KIF25: variants seen among roughly 807,000 people sequenced by gnomAD.
KIF25 encodes kinesin-like protein KIF25.
In KIF25, 19 loss-of-function variants were observed where a neutral mutation model predicts 32.9. The observed-to-expected ratio is 0.58, with a 90% CI of 0.40 to 0.85. KIF25 has a LOEUF of 0.85. Ranked by LOEUF, KIF25 falls within the 40% of genes least tolerant of loss-of-function variation. The pLI, the probability that KIF25 is intolerant of heterozygous loss-of-function variation, is 0.00. For synonymous variants in KIF25, 225 were observed against 213.7 expected (o/e 1.05, Z -0.46); for missense variants, 485 against 507.0 (o/e 0.96, Z 0.42).
At chr6:168,022,323 G>A (rs1044784742) in intron 5 of KIF25, among the ~76,000 whole-genome samples, 8 of 152,060 alleles carry the variant, frequency 5.3e-5, no homozygotes, top group South Asian at 2.1e-4. Context: ...TCTGTTTTTC[G>A]TGCTTGTAAA....
intron 2 of KIF25, among the ~76,000 whole-genome samples, chr6:168,001,017 C>A (rs1215112739): frequency 1.3e-5 from 2 of 152,218 alleles, no homozygotes; most frequent in African/African-American, 4.8e-5. Flanking sequence ...GAAACTTTTT[C>A]TTTTCAAAGT....
In KIF25 at chr6:168,029,683, C is replaced by T. The variant is rs749751689; in HGVS notation, c.92+6C>T. On this transcript the variant is annotated splice_donor_region_variant and intron_variant, in intron 6 of 12. Transcript: ENST00000643607. ...CCAGATGACAAGGACCTCAGGTCAG[C>T]TTCAGCGTGAGAAGCAGGCCAGGCC... is the stretch of plus-strand genomic sequence containing the variant. 7 of 1,602,470 alleles carry T rather than the reference C, an allele frequency of 4.4e-6. No individual in the cohort carries two copies. The South Asian group carries it at 6.7e-5, about 15-fold the overall frequency.
chr6:168,016,829 G>A (rs1798721184), intron 4 of KIF25, among the ~76,000 whole-genome samples: 1 of 152,236 alleles, frequency 6.6e-6, no homozygotes, highest in Admixed American at 6.5e-5. Flanking sequence ...AATAGCAGTG[G>A]GCATGGGGCA....
chr6:168,044,946 C>T lies in KIF25; in HGVS notation c.1105C>T (p.Arg369Ter), dbSNP rs778957588. The T allele has an allele frequency of 2.5e-5, 41 of 1,610,776 alleles. No homozygotes were observed. Among genetic ancestry groups the T allele is most frequent in the African/African-American group, 1.1e-4 (8 of 74,892 alleles). The change falls in exon 13 of 13, where the codon CGA becomes TGA. Residue 369 changes from arginine (R) to a stop codon, truncating the protein, a stop_gained. Coordinates refer to ENST00000643607, the MANE Select transcript of KIF25 (RefSeq NM_030615.4). LOFTEE classifies it low-confidence loss of function (END_TRUNC). ...RARQVQRGPARKKPPSSQTEG... is the reference protein window; with the variant it reads ...RARQVQRGPA ...TCGGCAAGTCCAGCGAGGCCCTGCC[C>T]GAAAGAAGCCGCCCAGCTCCCAAAC...
chr6:168,028,029 C>T (rs1042921258), intron 5 of KIF25, among the ~76,000 whole-genome samples: 4 of 152,112 alleles, frequency 2.6e-5, no homozygotes, highest in African/African-American at 7.2e-5. Flanking sequence ...CCAGAAGAAC[C>T]CCCCTGTGGA....
chr6:168,011,269 T>C (rs898194530), intron 4 of KIF25, among the ~76,000 whole-genome samples: 1 of 152,192 alleles, frequency 6.6e-6, no homozygotes, highest in Non-Finnish European at 1.5e-5. Flanking sequence ...GTATCTTCTT[T>C]TTGCATTGGC....
At chr6:168,035,832 T>C (rs946237616) in intron 8 of KIF25, 18 of 447,394 alleles carry the variant, frequency 4.0e-5, no homozygotes, top group African/African-American at 3.2e-4. Context: ...GGCCGTACTC[T>C]CCCTACACCT....
intron 11 of KIF25, 82 bp from the exon 12 acceptor site, chr6:168,042,479 C>A: frequency 6.6e-7 from 1 of 1,516,302 alleles, no homozygotes; most frequent in Non-Finnish European, 9.0e-7. Context: ...GCCTGAGAGC[C>A]GCTCCTCCCA....
At chr6:168,023,587 A>C (rs762876141) in intron 5 of KIF25, among the ~76,000 whole-genome samples, 7 of 152,072 alleles carry the variant, frequency 4.6e-5, no homozygotes, top group Non-Finnish European at 1.0e-4. Context: ...TTTCTAATAG[A>C]GACCGGGTTT....
rs184421771 is a variant in KIF25, at chr6:167,998,588, C to T, written c.-881C>T. ...AAAAAGCTTCTAATTTCCTTCCAGT[C>T]ATTAAATCAAGGAAATATGACAGAT... On this transcript the variant is annotated 5_prime_UTR_variant, in exon 1 of 13. Transcript: ENST00000643607. 16 of 152,276 alleles carry T rather than the reference C, an allele frequency of 1.1e-4. 1 individual carries two copies. The East Asian group carries it at 3.1e-3, about 29-fold the overall frequency. 9.4% of individuals were successfully genotyped at this position (152,276 alleles called of 1,614,324 possible).
chr6:168,028,280 G>A (rs73042818), intron 5 of KIF25, among the ~76,000 whole-genome samples: 5,155 of 152,138 alleles, frequency 0.034, 101 homozygotes, highest in Non-Finnish European at 0.049. Flanking sequence ...AAACTCTTGG[G>A]CTCAAATGAT....
chr6:168,013,337 G>A (rs919651269), intron 4 of KIF25, among the ~76,000 whole-genome samples: 3 of 151,944 alleles, frequency 2.0e-5, no homozygotes, highest in African/African-American at 7.3e-5. Flanking sequence ...GCTGTGCAAG[G>A]CCGGAGTCAC....
intron 11 of KIF25, 135 bp from the exon 12 acceptor site, chr6:168,042,426 A>C (rs910864315): frequency 3.9e-5 from 45 of 1,154,924 alleles, no homozygotes; most frequent in East Asian, 3.1e-4. Flanking sequence ...CATGAAAGAC[A>C]CTCACTCTCA....
At chr6:168,007,461 A>G (rs1274733277) in intron 4 of KIF25, among the ~76,000 whole-genome samples, 1 of 152,200 alleles carries the variant, frequency 6.6e-6, no homozygotes, top group Non-Finnish European at 1.5e-5. Context: ...TAAAATGATT[A>G]CCACAGTCAA....
At chr6:168,028,346 G>T (rs370454137) in intron 5 of KIF25, among the ~76,000 whole-genome samples, 1 of 151,988 alleles carries the variant, frequency 6.6e-6, no homozygotes, top group Admixed American at 6.6e-5. Flanking sequence ...CATCGTGCCC[G>T]GCCTGTAACA....
At chr6:168,034,054 G>T (rs1457881346) in intron 8 of KIF25, 23 bp downstream of exon 8, 1 of 1,610,550 alleles carries the variant, frequency 6.2e-7, no homozygotes, top group African/African-American at 1.3e-5. Flanking sequence ...GTGATGAGTG[G>T]GGCAGAGAAA....
intron 10 of KIF25, among the ~76,000 whole-genome samples, chr6:168,040,806 A>G (rs965649581): frequency 6.6e-6 from 1 of 152,252 alleles, no homozygotes; most frequent in Non-Finnish European, 1.5e-5. Context: ...GAGTACATGC[A>G]TTTGTCATGG....
intron 4 of KIF25, among the ~76,000 whole-genome samples, chr6:168,015,457 G>A (rs1798700627): frequency 6.6e-6 from 1 of 152,204 alleles, no homozygotes; most frequent in Admixed American, 6.5e-5. Flanking sequence ...AGTTTTTACT[G>A]ATCATTGCCT....
At chr6:168,028,585 CA>C (rs66831486) in intron 5 of KIF25, among the ~76,000 whole-genome samples, 41,984 of 151,666 alleles carry the variant, frequency 0.28, 6,143 homozygotes, top group East Asian at 0.5. Context: ...TTTATTTTGC[CA>C]AAAAAAATTG....
Sources: allele counts gnomAD v4.1 joint callset (sites outside exome capture counted in the v4.1 genomes callset), GRCh38; gene constraint gnomAD v4.1.1; transcripts MANE v1.5; gene names NCBI Gene and HGNC (gene_info 2026-07-23, HGNC 2026-07-21).